The following PCDHA12 variants were observed in gnomAD, a reference collection of about 807,000 sequenced individuals.
PCDHA12 encodes the protein protocadherin alpha-12.
In PCDHA12, 44 loss-of-function variants were observed where a neutral mutation model predicts 60.0. That is an observed-to-expected ratio of 0.73 (90% confidence interval 0.58 to 0.94). The LOEUF (loss-of-function observed/expected upper bound fraction) is 0.94. Ranked by LOEUF, PCDHA12 falls within the 40% of genes least tolerant of loss-of-function variation. PCDHA12 has a pLI of 0.00. For missense variants in PCDHA12, 1,276 were observed against 1,239.7 expected (o/e 1.03, Z -0.44); for synonymous variants, 569 against 553.0 (o/e 1.03, Z -0.40).
At chr5:140,975,784 A>G (rs1216156931) in intron 1 of PCDHA12, among the ~76,000 whole-genome samples, 1 of 151,914 alleles carries the variant, frequency 6.6e-6, no homozygotes, top group Non-Finnish European at 1.5e-5. Flanking sequence ...CCATTACAAG[A>G]TAAATTAAAT....
chr5:140,987,263 G>C (rs1034230893), intron 3 of PCDHA12, among the ~76,000 whole-genome samples: 14 of 151,908 alleles, frequency 9.2e-5, no homozygotes, highest in Non-Finnish European at 1.8e-4. Context: ...CTCAGGAATG[G>C]GACCCGGCAG....
chr5:140,899,056 G>C (rs1370417194), intron 1 of PCDHA12, among the ~76,000 whole-genome samples: 14 of 152,060 alleles, frequency 9.2e-5, no homozygotes, highest in Non-Finnish European at 2.9e-5. Flanking sequence ...CTGAGACTTT[G>C]CTGAAGTTGC....
chr5:140,958,242 T>A (rs1375619471), intron 1 of PCDHA12, among the ~76,000 whole-genome samples: 1 of 152,120 alleles, frequency 6.6e-6, no homozygotes, highest in Non-Finnish European at 1.5e-5. Context: ...TTTTTAACAA[T>A]TCTGAACAAA....
intron 1 of PCDHA12, 28 bp downstream of exon 1, chr5:140,877,867 T>C: frequency 2.7e-6 from 4 of 1,490,888 alleles, no homozygotes; most frequent in Non-Finnish European, 3.6e-6. Context: ...TTTAGATATA[T>C]TTGTTTCCTT....
In PCDHA12 at chr5:140,875,372, T is replaced by C; in HGVS notation, c.-101T>C. The C allele has an allele frequency of 3.4e-6, 5 of 1,451,920 alleles. No homozygotes were observed. Among genetic ancestry groups the C allele is most frequent in the Non-Finnish European group, 4.5e-6 (5 of 1,102,406 alleles). 89.9% of individuals were successfully genotyped at this position (1,451,920 alleles called of 1,614,324 possible). A position where few individuals can be genotyped will look rare whatever the true frequency, so the allele number is the denominator to read the frequency against. The stretch of plus-strand genomic sequence containing the variant: ...GACTGTGATGCTGGAAAAAATTTAC[T>C]AAATATGTACTTACAGAAAAGGGTG... On this transcript the variant is annotated 5_prime_UTR_variant, in exon 1 of 4. The change abolishes the stop of an existing upstream ORF in the 5' untranslated region. Transcript: ENST00000398631.
chr5:140,964,380 C>T (rs891362271), intron 1 of PCDHA12, among the ~76,000 whole-genome samples: 9 of 152,120 alleles, frequency 5.9e-5, no homozygotes, highest in Non-Finnish European at 1.3e-4. Context: ...AAGGAGAGTC[C>T]TGGTTTTTCT....
In PCDHA12 at chr5:140,884,393, A is replaced by T. The variant is rs782150859; in HGVS notation, c.2367+6554A>T. 6.8e-6 allele frequency: 11 copies of T among 1,613,878 alleles called. No individual in the cohort carries two copies. In the South Asian group the frequency reaches 1.1e-4, roughly 16 times the overall value. On this transcript the variant is annotated intron_variant, in intron 1 of 3. Transcript: ENST00000398631. Reference sequence around the variant, plus strand: ...GATCATTGCCATCTGCGCGGTGTCCAGCCTGTTGGTGCTCACGTTGCTGCT... The same window carrying T: ...GATCATTGCCATCTGCGCGGTGTCCTGCCTGTTGGTGCTCACGTTGCTGCT...
chr5:140,975,811 A>G (rs2096684538), intron 1 of PCDHA12, among the ~76,000 whole-genome samples: 3 of 134,728 alleles, frequency 2.2e-5, no homozygotes, highest in Non-Finnish European at 5.2e-5. Context: ...TATAATTTTA[A>G]TAGGAACTGA....
intron 1 of PCDHA12, among the ~76,000 whole-genome samples, chr5:140,961,451 T>C (rs1307588711): frequency 1.3e-5 from 2 of 152,238 alleles, no homozygotes; most frequent in Non-Finnish European, 2.9e-5. Context: ...TACACTGTCT[T>C]GCAGCTGCCT....
intron 1 of PCDHA12, chr5:140,928,429 T>A: frequency 6.2e-7 from 1 of 1,614,146 alleles, no homozygotes; most frequent in Non-Finnish European, 8.5e-7. Flanking sequence ...CAAAACTTCC[T>A]TTGACTTTGA....
chr5:140,884,174 C>T (rs540874524), intron 1 of PCDHA12: 6 of 1,613,436 alleles, frequency 3.7e-6, no homozygotes, highest in Middle Eastern at 1.7e-4. Flanking sequence ...CACGACGCGC[C>T]CTCTGGACGA....
At chr5:140,979,120 T>A in intron 2 of PCDHA12, 113 bp downstream of exon 2, 1 of 1,497,648 alleles carries the variant, frequency 6.7e-7, no homozygotes, top group Non-Finnish European at 8.9e-7. Flanking sequence ...CTTTAGGTAC[T>A]TTGCCAGGAA....
At chr5:140,883,688 A>G (rs782730096) in intron 1 of PCDHA12, 2 of 1,613,792 alleles carry the variant, frequency 1.2e-6, no homozygotes, top group Middle Eastern at 1.7e-4. Flanking sequence ...GGGCTGCCAC[A>G]TCTTCACGGT....
At chr5:140,944,077 G>A (rs913476675) in intron 1 of PCDHA12, among the ~76,000 whole-genome samples, 1 of 152,204 alleles carries the variant, frequency 6.6e-6, no homozygotes, top group Non-Finnish European at 1.5e-5. Context: ...TAAAGATAAA[G>A]GAGGCCTGAG....
intron 1 of PCDHA12, among the ~76,000 whole-genome samples, chr5:140,973,646 A>C (rs1413605589): frequency 1.3e-5 from 2 of 152,216 alleles, no homozygotes; most frequent in African/African-American, 4.8e-5. Flanking sequence ...TTCTGACTGA[A>C]GAAGAAATCT....
chr5:140,914,758 C>T (rs1435498037), intron 1 of PCDHA12, among the ~76,000 whole-genome samples: 3 of 151,912 alleles, frequency 2.0e-5, no homozygotes, highest in Non-Finnish European at 4.4e-5. Context: ...TTTGAGGTTA[C>T]ATGAGGTTTA....
At chr5:140,911,677 C>T (rs904570548) in intron 1 of PCDHA12, among the ~76,000 whole-genome samples, 4 of 152,118 alleles carry the variant, frequency 2.6e-5, no homozygotes, top group African/African-American at 7.2e-5. Flanking sequence ...TCTCACGAAC[C>T]GTGCATCAGG....
At chr5:140,881,931 G>T in intron 1 of PCDHA12, 1 of 276,824 alleles carries the variant, frequency 3.6e-6, no homozygotes, top group South Asian at 8.8e-5. Flanking sequence ...GCAGTGATTT[G>T]CTGTTTCTGG....
In PCDHA12 at chr5:140,875,596, G is replaced by C. The variant is rs1554167787; in HGVS notation, c.124G>C (p.Gly42Arg). The C allele has an allele frequency of 1.9e-6, 3 of 1,613,938 alleles. No individual in the cohort carries two copies. The highest frequency in any genetic ancestry group is 2.7e-5 in the African/African-American group (2 of 75,052). Residue 42 changes from glycine (G) to arginine (R), a missense_variant, in exon 1 of 4, where the codon GGC (glycine) becomes CGC (arginine). By Grantham distance (125) the Gly-to-Arg change is moderately radical. Transcript: ENST00000398631. ...CTCCGTCTACGAGGAGGCCAAACAC[G>C]GCACCTTCGTGGGCCGCATCGCTCA... ...HYSVYEEAKH[G>R]TFVGRIAQDL...
Sources: gnomAD v4.1 joint callset for allele counts (sites outside exome capture counted in the v4.1 genomes callset) on GRCh38, gnomAD v4.1.1 for gene constraint, MANE v1.5 for transcripts, NCBI Gene and HGNC (gene_info 2026-07-23, HGNC 2026-07-21) for gene names.